GRID2: variants seen among roughly 807,000 people sequenced by gnomAD.
GRID2 encodes glutamate receptor ionotropic, delta-2.
A neutral mutation model predicts 114.8 loss-of-function variants in GRID2; 33 were observed. The ratio of observed to expected loss-of-function variants is 0.29; its 90% CI spans 0.22 to 0.38. GRID2 has a LOEUF of 0.38. GRID2 is among the 10% of genes least tolerant of loss of function. The probability of loss-of-function intolerance (pLI) is 1.00; values close to 1 mark genes in which losing one functional copy is unlikely to be tolerated. For missense variants in GRID2, 1,184 were observed against 1,257.7 expected (o/e 0.94, Z 0.89); for synonymous variants, 505 against 449.9 (o/e 1.12, Z -1.55).
intron 2 of GRID2, among the ~76,000 whole-genome samples, chr4:92,666,156 G>T (rs1455148006): frequency 9.3e-5 from 14 of 151,298 alleles, no homozygotes; most frequent in Non-Finnish European, 4.4e-5. Flanking sequence ...ATATCCAAAT[G>T]CACTGATTCT....
intron 7 of GRID2, among the ~76,000 whole-genome samples, chr4:93,236,302 A>G (rs1193508686): frequency 6.6e-6 from 1 of 152,156 alleles, no homozygotes; most frequent in Non-Finnish European, 1.5e-5. Flanking sequence ...ACAAGCAATC[A>G]AAGGGAACAA....
chr4:92,435,562 T>C (rs1171438955), intron 1 of GRID2, among the ~76,000 whole-genome samples: 3 of 152,212 alleles, frequency 2.0e-5, no homozygotes, highest in Non-Finnish European at 4.4e-5. Flanking sequence ...AGTGAGACTA[T>C]GTGAATCACA....
chr4:92,709,572 G>GA (rs767320278), intron 2 of GRID2, among the ~76,000 whole-genome samples: 5,326 of 100,926 alleles, frequency 0.053, 198 homozygotes, highest in Non-Finnish European at 0.065. Context: ...ATAGTGTAGA[G>GA]AAAAAAAAAA....
At chr4:92,735,722 G>A (rs1736559074) in intron 2 of GRID2, among the ~76,000 whole-genome samples, 1 of 151,822 alleles carries the variant, frequency 6.6e-6, no homozygotes, top group Non-Finnish European at 1.5e-5. Context: ...AATTTTATTT[G>A]CATGAAACTC....
intron 8 of GRID2, among the ~76,000 whole-genome samples, chr4:93,311,888 A>G (rs1484518797): frequency 6.6e-6 from 1 of 152,194 alleles, no homozygotes; most frequent in African/African-American, 2.4e-5. Flanking sequence ...TTGAGGCAAA[A>G]AACAGAGAAG....
intron 2 of GRID2, among the ~76,000 whole-genome samples, chr4:92,718,486 G>A (rs1269740130): frequency 6.6e-6 from 1 of 151,914 alleles, no homozygotes; most frequent in Non-Finnish European, 1.5e-5. Flanking sequence ...AAAATTTCAG[G>A]CCAGGAATGG....
intron 13 of GRID2, among the ~76,000 whole-genome samples, chr4:93,546,101 C>T (rs147573684): frequency 2.0e-5 from 3 of 152,144 alleles, no homozygotes; most frequent in East Asian, 3.9e-4. Flanking sequence ...CTAAGAAAGA[C>T]CTGATAGTGA....
chr4:93,669,306 C>T (rs1724203267), intron 14 of GRID2, among the ~76,000 whole-genome samples: 1 of 152,028 alleles, frequency 6.6e-6, no homozygotes, highest in Admixed American at 6.6e-5. Context: ...TGTCCTTAGG[C>T]ATTAAATAAT....
At chr4:92,335,179 A>T (rs1727099599) in intron 1 of GRID2, among the ~76,000 whole-genome samples, 1 of 152,222 alleles carries the variant, frequency 6.6e-6, no homozygotes, top group East Asian at 1.9e-4. Flanking sequence ...TTTTAACTTC[A>T]GAGTTAGCAT....
chr4:92,742,077 GAT>G (rs1736918763), intron 2 of GRID2, among the ~76,000 whole-genome samples: 1 of 152,014 alleles, frequency 6.6e-6, no homozygotes, highest in African/African-American at 2.4e-5. Flanking sequence ...ATTATACTCT[GAT>G]ATAATATAGG....
chr4:92,935,921 A>G (rs529094533), intron 2 of GRID2, among the ~76,000 whole-genome samples: 4 of 145,854 alleles, frequency 2.7e-5, no homozygotes, highest in African/African-American at 9.7e-5. Flanking sequence ...GCATTAAGAG[A>G]TATACCTAAT....
chr4:93,358,361 C>T (rs180797738), intron 8 of GRID2, among the ~76,000 whole-genome samples: 182 of 151,868 alleles, frequency 1.2e-3, no homozygotes, highest in Non-Finnish European at 1.9e-3. Context: ...TAAATTGGTA[C>T]ATTTTAATAA....
At chr4:92,461,654 C>A (rs1721501308) in intron 1 of GRID2, among the ~76,000 whole-genome samples, 2 of 151,864 alleles carry the variant, frequency 1.3e-5, no homozygotes, top group South Asian at 4.2e-4. Flanking sequence ...ATTATACTTT[C>A]ATTTTCTTCC....
intron 14 of GRID2, among the ~76,000 whole-genome samples, chr4:93,743,542 C>A (rs1578715706): frequency 1.3e-5 from 2 of 152,068 alleles, no homozygotes; most frequent in Admixed American, 6.6e-5. Context: ...CTGGTGGAAG[C>A]CTCAGGGTGC....
At chr4:93,362,754 G>A (rs1761993323) in intron 8 of GRID2, among the ~76,000 whole-genome samples, 1 of 151,964 alleles carries the variant, frequency 6.6e-6, no homozygotes, top group Admixed American at 6.6e-5. Context: ...TAAACACATG[G>A]TGAGGTCTGT....
intron 1 of GRID2, among the ~76,000 whole-genome samples, chr4:92,535,488 T>C (rs902102949): frequency 1.3e-5 from 2 of 152,138 alleles, no homozygotes; most frequent in Non-Finnish European, 2.9e-5. Context: ...TATATAAACT[T>C]CCTGGGATTG....
At chr4:93,516,609 C>A (rs1370244909) in intron 13 of GRID2, among the ~76,000 whole-genome samples, 2 of 152,072 alleles carry the variant, frequency 1.3e-5, no homozygotes, top group Non-Finnish European at 2.9e-5. Flanking sequence ...TCCAAAGAAC[C>A]ATTGGCTCCT....
chr4:93,223,941 A>G (rs951195086), intron 6 of GRID2, among the ~76,000 whole-genome samples: 5 of 152,156 alleles, frequency 3.3e-5, no homozygotes, highest in Non-Finnish European at 7.4e-5. Context: ...TGGTTGTTTC[A>G]GAAGAAGAAA....
At chr4:93,648,413 A>G (rs1158253137) in intron 14 of GRID2, among the ~76,000 whole-genome samples, 1 of 152,230 alleles carries the variant, frequency 6.6e-6, no homozygotes, top group African/African-American at 2.4e-5. Flanking sequence ...AGGCTTTAGT[A>G]AAGAAATGAC....
Sources: allele counts gnomAD v4.1 joint callset (sites outside exome capture counted in the v4.1 genomes callset), GRCh38; gene constraint gnomAD v4.1.1; transcripts MANE v1.5; gene names NCBI Gene and HGNC (gene_info 2026-07-23, HGNC 2026-07-21).